The following VTI1A variants were observed in gnomAD, a reference collection of about 807,000 sequenced individuals.
VTI1A encodes vesicle transport through interaction with t-SNAREs 1A.
In VTI1A, 22 loss-of-function variants were observed where a neutral mutation model predicts 34.9. The ratio of observed to expected loss-of-function variants is 0.63; its 90% confidence interval spans 0.45 to 0.90. The LOEUF (loss-of-function observed/expected upper bound fraction) is 0.90. Ranked by LOEUF, VTI1A falls within the 40% of genes least tolerant of loss-of-function variation. The probability of loss-of-function intolerance (pLI) is 0.00; values close to 1 mark genes in which losing one functional copy is unlikely to be tolerated. For missense variants in VTI1A, 268 were observed against 275.6 expected, an observed-to-expected ratio of 0.97 and a Z score of 0.20; for synonymous variants, 87 against 97.3, an observed-to-expected ratio of 0.89 and a Z score of 0.62.
intron 3 of VTI1A, among the ~76,000 whole-genome samples, chr10:112,526,017 G>A (rs1377902994): frequency 1.3e-5 from 2 of 152,182 alleles, no homozygotes; most frequent in African/African-American, 4.8e-5. Flanking sequence ...AGACCCCCAA[G>A]TGAGGAAGAG....
At position 112,593,519 on chromosome 10, in the gene VTI1A, A is replaced by G. The variant is rs187614194; in HGVS notation, c.427+55189A>G. ...TCTTTTTTCCCATCTCATAACATTCATTGGAATTTTTCTGATTATAAAAAT... is the reference window on the plus strand; with the variant it reads ...TCTTTTTTCCCATCTCATAACATTCGTTGGAATTTTTCTGATTATAAAAAT... On this transcript the variant is annotated intron_variant, in intron 5 of 7. Coordinates refer to ENST00000393077, the MANE Select transcript of VTI1A (RefSeq NM_145206.4). Among the ~76,000 whole-genome samples the G allele has an allele frequency of 3.5e-3, 534 of 152,256 alleles. 4 individuals carry two copies. Among genetic ancestry groups the G allele is most frequent in the African/African-American group, 0.012 (516 of 41,538 alleles).
At chr10:112,480,139 T>C (rs1246632939) in intron 3 of VTI1A, among the ~76,000 whole-genome samples, 1 of 152,204 alleles carries the variant, frequency 6.6e-6, no homozygotes, top group Non-Finnish European at 1.5e-5. Flanking sequence ...GAAGGCAGTG[T>C]AATACACAGC....
At chr10:112,512,295 A>C (rs1020143372) in intron 3 of VTI1A, among the ~76,000 whole-genome samples, 2 of 152,064 alleles carry the variant, frequency 1.3e-5, no homozygotes, top group African/African-American at 4.8e-5. Context: ...CATTTCTTTG[A>C]TAATTTGTTA....
At chr10:112,457,943 A>G (rs900304545) in intron 1 of VTI1A, among the ~76,000 whole-genome samples, 2 of 152,174 alleles carry the variant, frequency 1.3e-5, no homozygotes, top group African/African-American at 4.8e-5. Flanking sequence ...AAGAATGTCT[A>G]TTAGTTTGGG....
intron 5 of VTI1A, among the ~76,000 whole-genome samples, chr10:112,619,210 G>T (rs1420943309): frequency 1.3e-5 from 2 of 151,990 alleles, no homozygotes; most frequent in Admixed American, 6.6e-5. Context: ...TGCGTGGTCC[G>T]AGCCAATCCA....
At chr10:112,545,218 G>C (rs143467099) in intron 5 of VTI1A, among the ~76,000 whole-genome samples, 9 of 152,174 alleles carry the variant, frequency 5.9e-5, no homozygotes, top group African/African-American at 1.9e-4. Flanking sequence ...AACAATTGGC[G>C]TGTGTTTCCA....
At chr10:112,562,639 TGTG>T (rs1238756684) in intron 5 of VTI1A, among the ~76,000 whole-genome samples, 2 of 152,094 alleles carry the variant, frequency 1.3e-5, no homozygotes, top group African/African-American at 4.8e-5. Context: ...AATCGCATGT[TGTG>T]GGGAGTTCTT....
chr10:112,575,308 C>A (rs1852289255), intron 5 of VTI1A, among the ~76,000 whole-genome samples: 1 of 152,170 alleles, frequency 6.6e-6, no homozygotes. Flanking sequence ...TCCTGTAGTT[C>A]GTTTTCAGTT....
At chr10:112,668,428 G>A (rs1590048363) in intron 6 of VTI1A, 140 bp downstream of exon 6, 1 of 872,378 alleles carries the variant, frequency 1.1e-6, no homozygotes, top group Non-Finnish European at 1.7e-6. Context: ...GAAAGGAAAA[G>A]GAAGAGGGTG....
intron 7 of VTI1A, among the ~76,000 whole-genome samples, chr10:112,788,924 G>A (rs1852376831): frequency 6.6e-6 from 1 of 152,006 alleles, no homozygotes; most frequent in African/African-American, 2.4e-5. Context: ...AAATATAGCA[G>A]TGTTATTCCA....
At chr10:112,717,773 G>A (rs1317878240) in intron 7 of VTI1A, among the ~76,000 whole-genome samples, 2 of 152,162 alleles carry the variant, frequency 1.3e-5, no homozygotes, top group African/African-American at 2.4e-5. Flanking sequence ...GGTTTAAGGG[G>A]ATGGGATGTG....
chr10:112,709,485 G>A (rs1290983541), intron 7 of VTI1A, among the ~76,000 whole-genome samples: 1 of 151,850 alleles, frequency 6.6e-6, no homozygotes, highest in Non-Finnish European at 1.5e-5. Flanking sequence ...ACCTCAGCCA[G>A]CCGGAACTGC....
At chr10:112,680,830 A>G (rs1266211563) in intron 7 of VTI1A, among the ~76,000 whole-genome samples, 1 of 152,128 alleles carries the variant, frequency 6.6e-6, no homozygotes. Flanking sequence ...TAACCCACAT[A>G]TGGCATTATG....
At chr10:112,805,512 C>A (rs1386178445) in intron 7 of VTI1A, among the ~76,000 whole-genome samples, 1 of 152,232 alleles carries the variant, frequency 6.6e-6, no homozygotes, top group Non-Finnish European at 1.5e-5. Context: ...TGCAGCCTCT[C>A]ACCTTAATTT....
intron 7 of VTI1A, among the ~76,000 whole-genome samples, chr10:112,683,571 A>G (rs978815877): frequency 2.4e-4 from 36 of 152,294 alleles, no homozygotes; most frequent in African/African-American, 8.4e-4. Context: ...CTGTACCTTG[A>G]AGCAAGCTAT....
chr10:112,454,962 A>G (rs1847381693), intron 1 of VTI1A, among the ~76,000 whole-genome samples: 1 of 152,058 alleles, frequency 6.6e-6, no homozygotes. Flanking sequence ...AATGTTAAAC[A>G]CAGAGCACCA....
chr10:112,813,281 C>T (rs1853382998), intron 7 of VTI1A, among the ~76,000 whole-genome samples: 1 of 152,208 alleles, frequency 6.6e-6, no homozygotes, highest in Non-Finnish European at 1.5e-5. Flanking sequence ...AAGTAACACC[C>T]ACAGTTAATC....
At chr10:112,736,240 A>G (rs914188960) in intron 7 of VTI1A, among the ~76,000 whole-genome samples, 1 of 151,052 alleles carries the variant, frequency 6.6e-6, no homozygotes, top group African/African-American at 2.4e-5. Context: ...ACTCCTCAAA[A>G]AGACTCTCTG....
At chr10:112,717,172 A>T (rs1849639429) in intron 7 of VTI1A, among the ~76,000 whole-genome samples, 2 of 152,324 alleles carry the variant, frequency 1.3e-5, no homozygotes, top group Middle Eastern at 3.4e-3. Flanking sequence ...GGAAGCTTAC[A>T]TGTTGATTTA....
Sources: allele counts gnomAD v4.1 joint callset (sites outside exome capture counted in the v4.1 genomes callset), GRCh38; gene constraint gnomAD v4.1.1; transcripts MANE v1.5; gene names NCBI Gene and HGNC (gene_info 2026-07-23, HGNC 2026-07-21).